Variants in ETV6 observed in about 807,000 individuals in gnomAD.
The protein encoded by ETV6 is transcription factor ETV6.
ETV6 carries 16 observed loss-of-function variants against 51.1 expected under a neutral mutation model. The ratio of observed to expected loss-of-function variants is 0.31; its 90% confidence interval spans 0.21 to 0.48. ETV6 has a LOEUF of 0.48. Ranked by LOEUF, ETV6 falls within the 20% of genes least tolerant of loss-of-function variation. The pLI, the probability that ETV6 is intolerant of heterozygous loss-of-function variation, is 0.99. For missense variants in ETV6, 458 were observed against 594.8 expected, an observed-to-expected ratio of 0.77 and a Z score of 2.39; for synonymous variants, 240 against 224.1, an observed-to-expected ratio of 1.07 and a Z score of -0.64.
At chr12:11,670,551 A>T (rs1324414202) in intron 1 of ETV6, among the ~76,000 whole-genome samples, 1 of 152,196 alleles carries the variant, frequency 6.6e-6, no homozygotes, top group Admixed American at 6.5e-5. Context: ...TTTGTAACAC[A>T]CCCTGTCCTG....
At chr12:11,737,574 T>A (rs12369491) in intron 1 of ETV6, among the ~76,000 whole-genome samples, 51,523 of 152,064 alleles carry the variant, frequency 0.34, 9,344 homozygotes, top group East Asian at 0.46. Flanking sequence ...AATAACTACT[T>A]GTCTTCTATC....
At position 11,894,499 on chromosome 12, in the gene ETV6, C is replaced by G. The variant is rs1480944912; in HGVS notation, c.*3453C>G. On this transcript the variant is annotated 3_prime_UTR_variant, in exon 8 of 8. Coordinates refer to ENST00000396373, the MANE Select transcript of ETV6 (RefSeq NM_001987.5). ...AATCCTTTAGGGAGATGAGGGTATC[C>G]CCACAGAAAAAGAGGAATAATAGAC... The G allele has an allele frequency of 4.3e-6, 1 of 233,024 alleles. No homozygotes were observed. The highest frequency in any genetic ancestry group is 8.5e-6 in the Non-Finnish European group (1 of 118,024). 14.4% of individuals were successfully genotyped at this position (233,024 alleles called of 1,614,324 possible). A position where few individuals can be genotyped will look rare whatever the true frequency, so the allele number is the denominator to read the frequency against.
intron 1 of ETV6, among the ~76,000 whole-genome samples, chr12:11,688,635 G>C (rs542775199): frequency 6.6e-6 from 1 of 152,194 alleles, no homozygotes; most frequent in Non-Finnish European, 1.5e-5. Context: ...TTCCCCCTCA[G>C]GGCCCTCTTT....
chr12:11,781,982 G>A (rs1361203972), intron 2 of ETV6, among the ~76,000 whole-genome samples: 2 of 152,190 alleles, frequency 1.3e-5, no homozygotes, highest in African/African-American at 4.8e-5. Context: ...TAGTTAACAA[G>A]TATATTGTGA....
In ETV6 at chr12:11,885,991, T is replaced by A; in HGVS notation, c.1218T>A (p.Ile406=). 1 of 1,613,928 alleles carries A rather than the reference T, an allele frequency of 6.2e-7. No homozygotes were observed. Among genetic ancestry groups the A allele is most frequent in the Non-Finnish European group, 8.5e-7 (1 of 1,179,824 alleles). ...RALRHYYKLN[I]IRKEPGQRLL... is the part of the protein sequence containing the mutation. ...TGCGCCACTACTACAAACTAAACAT[T>A]ATCAGGAAGGAGCCAGGACAAAGGC... The change falls in exon 7 of 8, where the codon ATT becomes ATA. Residue 406 remains isoleucine, a synonymous_variant. Transcript: ENST00000396373.
At chr12:11,693,548 G>T (rs1565488748) in intron 1 of ETV6, among the ~76,000 whole-genome samples, 1 of 152,158 alleles carries the variant, frequency 6.6e-6, no homozygotes, top group Non-Finnish European at 1.5e-5. Flanking sequence ...TCCTTGTCAG[G>T]CTGTTTGCTT....
intron 7 of ETV6, 66 bp downstream of exon 7, chr12:11,886,092 T>C (rs1347945865): frequency 1.7e-6 from 2 of 1,176,084 alleles, no homozygotes; most frequent in African/African-American, 1.5e-5. Context: ...TAACGGGGAG[T>C]GGGGGGAGAC....
intron 5 of ETV6, among the ~76,000 whole-genome samples, chr12:11,871,172 T>G (rs1946875088): frequency 6.6e-6 from 1 of 151,592 alleles, no homozygotes; most frequent in South Asian, 2.1e-4. Flanking sequence ...CAAGCCTACT[T>G]TACTTCTGCC....
At chr12:11,660,253 G>A (rs868714661) in intron 1 of ETV6, among the ~76,000 whole-genome samples, 1 of 152,182 alleles carries the variant, frequency 6.6e-6, no homozygotes, top group Non-Finnish European at 1.5e-5. Context: ...TGACTAATAT[G>A]TGGACAAGTA....
intron 2 of ETV6, among the ~76,000 whole-genome samples, chr12:11,793,696 G>A (rs2136391391): frequency 6.6e-6 from 1 of 152,306 alleles, no homozygotes; most frequent in African/African-American, 2.4e-5. Flanking sequence ...TCAGGAGGCA[G>A]GAAAGAAAGA....
rs781065435 is a variant in ETV6, at chr12:11,869,632, C to G, written c.672C>G (p.His224Gln). 38 of 1,614,092 alleles carry G rather than the reference C, an allele frequency of 2.4e-5. No homozygotes were observed. The highest frequency in any genetic ancestry group is 3.1e-5 in the Non-Finnish European group (36 of 1,180,046). ...PAERAQGPRP[H>Q]QENNHQESYP... ...AGAGAGCTCAGGGACCCAGGCCGCA[C>G]CAGGAGAACAACCACCAGGAGTCCT... The change falls in exon 5 of 8, where the codon CAC (histidine) becomes CAG (glutamine). Residue 224 changes from histidine to glutamine, a missense_variant. Around this residue, in one of 4 missense-constraint regions of ETV6, gnomAD observed 293 missense variants for 315.7 expected, o/e 0.93. Transcript: ENST00000396373. This position sits in a 1 kb window ranked among gnomAD's most constrained non-coding sequence, Gnocchi z 5.0.
rs1163471923 is a variant in ETV6 at position 11,702,681 on chromosome 12, G to A, written c.34-49769G>A. Among the ~76,000 whole-genome samples, 13 of 151,766 alleles carry A rather than the reference G, an allele frequency of 8.6e-5. No individual in the cohort carries two copies. The East Asian group carries it at 2.5e-3, about 29-fold the overall frequency. ...ACTTTGAGTCATCAGAACCTACCTA[G>A]TGGTCCATAGAACCTTGGCTCTTCA... is the stretch of plus-strand genomic sequence containing the variant. On this transcript the variant is annotated intron_variant, in intron 1 of 7. Transcript: ENST00000396373.
intron 2 of ETV6, among the ~76,000 whole-genome samples, chr12:11,761,732 C>T (rs1056361458): frequency 3.9e-5 from 6 of 152,240 alleles, no homozygotes; most frequent in African/African-American, 1.4e-4. Context: ...TGGCTGATTA[C>T]TTGGGTCATC....
intron 3 of ETV6, among the ~76,000 whole-genome samples, chr12:11,847,001 T>C (rs1946476045): frequency 1.3e-5 from 2 of 152,026 alleles, no homozygotes; most frequent in South Asian, 4.2e-4. Flanking sequence ...GCCTCCCGAG[T>C]AGCTGGGACT....
intron 2 of ETV6, among the ~76,000 whole-genome samples, chr12:11,791,029 A>G (rs1945579709): frequency 6.6e-6 from 1 of 152,076 alleles, no homozygotes; most frequent in Non-Finnish European, 1.5e-5. Flanking sequence ...CCGTGACTCG[A>G]CTGTCCAGAT....
intron 2 of ETV6, among the ~76,000 whole-genome samples, chr12:11,773,667 A>C (rs1221518909): frequency 6.6e-6 from 1 of 152,250 alleles, no homozygotes; most frequent in Non-Finnish European, 1.5e-5. Context: ...AAAGACTTTC[A>C]GAAATAAGCA....
chr12:11,884,395 C>T, intron 5 of ETV6, 50 bp from the exon 6 acceptor site: 3 of 1,602,724 alleles, frequency 1.9e-6, no homozygotes, highest in Non-Finnish European at 2.6e-6. Context: ...TGGTTAGTGC[C>T]TCAACAAGAA....
chr12:11,840,382 T>C (rs1946371551), intron 3 of ETV6: 2 of 455,666 alleles, frequency 4.4e-6, no homozygotes, highest in African/African-American at 4.0e-5. Flanking sequence ...AAAGGGGAAC[T>C]GTGGTCTCAG....
chr12:11,731,228 C>T lies in ETV6; in HGVS notation c.34-21222C>T, dbSNP rs1358529241. On this transcript the variant is annotated intron_variant, in intron 1 of 7. Transcript: ENST00000396373. Reference sequence around the variant, plus strand: ...GTGATGTATGAAATAAAGGTATGTCCTTCTTATTCGGTGTTGCATTGTCAG... The same window carrying T: ...GTGATGTATGAAATAAAGGTATGTCTTTCTTATTCGGTGTTGCATTGTCAG... Among the ~76,000 whole-genome samples, 4 of 152,146 alleles carry T rather than the reference C, an allele frequency of 2.6e-5. No individual in the cohort carries two copies. The East Asian group carries it at 7.7e-4, about 29-fold the overall frequency.
Sources: allele counts gnomAD v4.1 joint callset (sites outside exome capture counted in the v4.1 genomes callset), GRCh38; gene constraint gnomAD v4.1.1; regional missense constraint gnomAD v4.1.1; non-coding constraint Gnocchi (gnomAD v3.1); transcripts MANE v1.5; gene names NCBI Gene and HGNC (gene_info 2026-07-23, HGNC 2026-07-21).